REV1: variants seen among roughly 807,000 people sequenced by gnomAD.
The protein encoded by REV1 is REV1 DNA directed polymerase.
In REV1, 42 loss-of-function variants were observed where a neutral mutation model predicts 137.4. That is an observed-to-expected ratio of 0.31 (90% CI 0.24 to 0.40). The LOEUF (loss-of-function observed/expected upper bound fraction) is 0.40. Ranked by LOEUF, REV1 falls within the 10% of genes least tolerant of loss-of-function variation. The pLI is 1.00. For missense variants in REV1, 1,282 were observed against 1,490.1 expected (o/e 0.86, Z 2.30); for synonymous variants, 524 against 519.2 (o/e 1.01, Z -0.12).
intron 1 of REV1, among the ~76,000 whole-genome samples, chr2:99,479,652 G>A (rs1046532185): frequency 4.6e-5 from 7 of 151,974 alleles, no homozygotes; most frequent in South Asian, 4.2e-4. Context: ...AATAAAAAGA[G>A]CCAGGCATGG....
chr2:99,462,521 A>T lies in REV1; in HGVS notation c.156T>A (p.Val52=). The T allele has an allele frequency of 1.9e-6, 3 of 1,613,488 alleles. No homozygotes were observed. The highest frequency in any genetic ancestry group is 2.5e-6 in the Non-Finnish European group (3 of 1,179,764). Residue 52 remains valine (V), a synonymous_variant, in exon 3 of 23, where the codon GTT becomes GTA. Transcript: ENST00000258428. The stretch of plus-strand genomic sequence containing the variant: ...CTGTGTATCCATTAACATAGATGGC[A>T]ACTCCACTAAAAATTGTAGATGAAG... The part of the protein sequence containing the change: ...DGTSSTIFSG[V]AIYVNGYTDP...
Position 99,406,348 on chromosome 2 carries a change from G to A in REV1, c.2591C>T (p.Ser864Phe), listed in dbSNP as rs778739102. The A allele has an allele frequency of 7.4e-6, 12 of 1,612,532 alleles. No homozygotes were observed. The South Asian group carries it at 1.3e-4, about 18-fold the overall frequency. ...DVFQVQKAKKSTEEEHKEVFR... is the reference protein window; with the variant it reads ...DVFQVQKAKKFTEEEHKEVFR... ...ACCTTCTTTGTGCTCCTCTTCGGTG[G>A]ATTTCTTAGCTTTCTGAACTTGGAA... Residue 864 changes from serine (S) to phenylalanine (F), a missense_variant, in exon 16 of 23, where the codon TCC (serine) becomes TTC (phenylalanine). Transcript: ENST00000258428.
At chr2:99,406,633 C>T in intron 15 of REV1, 143 bp from the exon 16 acceptor site, 1 of 625,282 alleles carries the variant, frequency 1.6e-6, no homozygotes, top group Non-Finnish European at 2.5e-6. Flanking sequence ...ATTCAAACAG[C>T]ATTCTATATG....
chr2:99,427,558 A>G (rs548671421), intron 9 of REV1, among the ~76,000 whole-genome samples: 1 of 152,332 alleles, frequency 6.6e-6, no homozygotes, highest in Non-Finnish European at 1.5e-5. Flanking sequence ...CATCAAACTG[A>G]GCAGATCATC....
intron 1 of REV1, among the ~76,000 whole-genome samples, chr2:99,481,414 C>A (rs114406311): frequency 0.013 from 2,002 of 152,262 alleles, 44 homozygotes; most frequent in African/African-American, 0.046. Context: ...TGTAGTAATT[C>A]TCAACAGAAG....
chr2:99,463,072 A>G (rs1329792472), intron 2 of REV1, among the ~76,000 whole-genome samples: 1 of 152,000 alleles, frequency 6.6e-6, no homozygotes, highest in Non-Finnish European at 1.5e-5. Flanking sequence ...TGGGTGACAG[A>G]GCAAGACTCC....
intron 2 of REV1, among the ~76,000 whole-genome samples, chr2:99,463,013 A>G (rs775119415): frequency 3.2e-4 from 48 of 151,976 alleles, no homozygotes; most frequent in Non-Finnish European, 5.3e-4. Context: ...GCCTGAACCC[A>G]GGAGGTGGAG....
intron 19 of REV1, chr2:99,403,469 TTAAAAAG>T (rs1675804915): frequency 1.6e-6 from 1 of 626,714 alleles, no homozygotes; most frequent in South Asian, 2.2e-5. Flanking sequence ...TTCCAACTTT[TTAAAAAG>T]TAAAAAGTGG....
At chr2:99,447,868 A>G (rs1014863582) in intron 4 of REV1, among the ~76,000 whole-genome samples, 17 of 152,188 alleles carry the variant, frequency 1.1e-4, no homozygotes, top group Admixed American at 3.3e-4. Flanking sequence ...TTACAGGCAC[A>G]AGCCACCACT....
At chr2:99,405,778 A>T in intron 17 of REV1, 132 bp downstream of exon 17, 1 of 573,868 alleles carries the variant, frequency 1.7e-6, no homozygotes, top group Non-Finnish European at 2.8e-6. Flanking sequence ...TACCCAAACA[A>T]GTGGCCCGTT....
intron 1 of REV1, among the ~76,000 whole-genome samples, chr2:99,481,219 G>A (rs371863682): frequency 9.3e-4 from 142 of 152,130 alleles, no homozygotes; most frequent in African/African-American, 3.2e-3. Flanking sequence ...GAATAATTAC[G>A]TACATCTAAA....
At chr2:99,406,174 T>TG in intron 16 of REV1, 68 bp from the exon 17 acceptor site, 1 of 1,418,474 alleles carries the variant, frequency 7.0e-7, no homozygotes, top group South Asian at 1.5e-5. Context: ...CCTCTGTCCA[T>TG]TACAAATAAA....
chr2:99,414,454 T>C (rs561104660), intron 12 of REV1, among the ~76,000 whole-genome samples: 53 of 149,446 alleles, frequency 3.5e-4, no homozygotes, highest in Admixed American at 9.3e-4. Context: ...GAGTTAACAA[T>C]TTAAAAAAAA....
chr2:99,432,715 C>A (rs1680271708), intron 8 of REV1, among the ~76,000 whole-genome samples: 1 of 152,166 alleles, frequency 6.6e-6, no homozygotes, highest in African/African-American at 2.4e-5. Context: ...TTAAATATTT[C>A]TCCTAATATT....
intron 7 of REV1, among the ~76,000 whole-genome samples, chr2:99,434,856 C>T (rs1303039387): frequency 6.7e-6 from 1 of 149,666 alleles, no homozygotes; most frequent in Non-Finnish European, 1.5e-5. Context: ...CAATTTTACG[C>T]AACAGAAACT....
At chr2:99,410,434 G>A (rs988659683) in intron 14 of REV1, among the ~76,000 whole-genome samples, 2 of 152,168 alleles carry the variant, frequency 1.3e-5, no homozygotes, top group Non-Finnish European at 2.9e-5. Flanking sequence ...ATGCAGTAAA[G>A]TTAACAGCCC....
At chr2:99,472,433 G>T (rs1266585349) in intron 1 of REV1, among the ~76,000 whole-genome samples, 1 of 152,216 alleles carries the variant, frequency 6.6e-6, no homozygotes, top group Non-Finnish European at 1.5e-5. Context: ...GCAAGGTGAA[G>T]AGTTCTGGAG....
At chr2:99,467,278 T>A (rs1684916740) in intron 1 of REV1, among the ~76,000 whole-genome samples, 1 of 150,520 alleles carries the variant, frequency 6.6e-6, no homozygotes, top group Non-Finnish European at 1.5e-5. Context: ...AAAAAACAGC[T>A]ATTAAGGGTT....
At chr2:99,404,423 G>C (rs1243509319) in intron 18 of REV1, 21 bp downstream of exon 18, 5 of 1,588,918 alleles carry the variant, frequency 3.1e-6, no homozygotes, top group Non-Finnish European at 4.3e-6. Context: ...CTACAGCAGA[G>C]GGTTCCCATA....
Sources: gnomAD v4.1 joint callset for allele counts (sites outside exome capture counted in the v4.1 genomes callset) on GRCh38, gnomAD v4.1.1 for gene constraint, MANE v1.5 for transcripts, NCBI Gene and HGNC (gene_info 2026-07-23, HGNC 2026-07-21) for gene names.